Variants in GABRA5 observed in about 807,000 individuals in gnomAD.
The protein encoded by GABRA5 is gamma-aminobutyric acid receptor subunit alpha-5.
GABRA5 carries 18 observed loss-of-function variants against 47.3 expected under a neutral mutation model. That is an observed-to-expected ratio of 0.38 (90% CI 0.26 to 0.56). The LOEUF (loss-of-function observed/expected upper bound fraction) is 0.56, where lower values mean the gene tolerates loss of function less well. Ranked by LOEUF, GABRA5 falls within the 20% of genes least tolerant of loss-of-function variation. The probability of loss-of-function intolerance (pLI) is 0.71; values close to 1 mark genes in which losing one functional copy is unlikely to be tolerated. For missense variants in GABRA5, 365 were observed against 599.3 expected, an observed-to-expected ratio of 0.61 and a Z score of 4.08; for synonymous variants, 237 against 229.3, an observed-to-expected ratio of 1.03 and a Z score of -0.30.
chr15:26,923,957 T>C lies in GABRA5; in HGVS notation c.580+9072T>C, dbSNP rs369024304. Among the ~76,000 whole-genome samples the C allele has an allele frequency of 6.6e-5, 10 of 152,240 alleles. No individual in the cohort carries two copies. The East Asian group carries it at 1.2e-3, about 18-fold the overall frequency. On this transcript the variant is annotated intron_variant, in intron 7 of 10. Coordinates refer to ENST00000335625, the MANE Select transcript of GABRA5 (RefSeq NM_000810.4). Reference sequence around the variant, plus strand: ...TGTTCTGTGTTGAGACTTTCAGTTTTTTAAAAGTTTGTTACCAGCATGTTT... The same window carrying C: ...TGTTCTGTGTTGAGACTTTCAGTTTCTTAAAAGTTTGTTACCAGCATGTTT...
At chr15:26,900,152 A>T (rs976990018) in intron 6 of GABRA5, among the ~76,000 whole-genome samples, 29 of 152,132 alleles carry the variant, frequency 1.9e-4, no homozygotes, top group Non-Finnish European at 2.9e-4. Context: ...GTCATATATA[A>T]AAAACTTTGC....
chr15:26,901,758 T>C (rs1265012882), intron 6 of GABRA5, among the ~76,000 whole-genome samples: 3 of 152,170 alleles, frequency 2.0e-5, no homozygotes, highest in Non-Finnish European at 4.4e-5. Flanking sequence ...GATTTTCTCT[T>C]ATGTTATAGG....
chr15:26,924,555 G>A (rs1175460286), intron 7 of GABRA5, among the ~76,000 whole-genome samples: 1 of 152,134 alleles, frequency 6.6e-6, no homozygotes, highest in Non-Finnish European at 1.5e-5. Flanking sequence ...ATTAGGGGAC[G>A]GGCCTCATTG....
chr15:26,870,939 C>T (rs1056589722), intron 3 of GABRA5, among the ~76,000 whole-genome samples: 2 of 152,296 alleles, frequency 1.3e-5, no homozygotes, highest in Admixed American at 1.3e-4. Context: ...TGCTTGTAAT[C>T]CCAGCACTTT....
intron 6 of GABRA5, among the ~76,000 whole-genome samples, chr15:26,884,725 A>T (rs1418377433): frequency 6.6e-6 from 1 of 152,216 alleles, no homozygotes; most frequent in Non-Finnish European, 1.5e-5. Context: ...AAGCTTTTAA[A>T]GAACTAAATT....
chr15:26,883,104 G>T lies in GABRA5; in HGVS notation c.209-62G>T. On this transcript the variant is annotated intron_variant, in intron 4 of 10. Coordinates refer to ENST00000335625, the MANE Select transcript of GABRA5 (RefSeq NM_000810.4). The surrounding 1 kb of genome is among the most constrained non-coding windows in gnomAD (Gnocchi z 4.8). ...ACCCTGGTTACTGGACTGAGAGCAC[G>T]AGAGTGTGCCAGACGCGCAGGGTGG... The T allele has an allele frequency of 7.4e-7, 1 of 1,358,364 alleles. No homozygotes were observed. The highest frequency in any genetic ancestry group is 1.1e-6 in the Non-Finnish European group (1 of 946,708). 84.1% of individuals were successfully genotyped at this position (1,358,364 alleles called of 1,614,324 possible).
intron 10 of GABRA5, among the ~76,000 whole-genome samples, chr15:26,947,577 G>A (rs928040419): frequency 6.6e-6 from 1 of 152,146 alleles, no homozygotes; most frequent in Non-Finnish European, 1.5e-5. Flanking sequence ...ATTCCATGGT[G>A]TATATGTACC....
rs185985811 is a variant in GABRA5 at position 26,894,328 on chromosome 15, G to T, written c.497+10771G>T. 9.3e-4 allele frequency among the ~76,000 whole-genome samples: 141 copies of T among 152,272 alleles called. 1 individual carries two copies. Among genetic ancestry groups the T allele is most frequent in the Non-Finnish European group, 1.3e-4 (9 of 68,012 alleles). ...CAGAGAGGCCGGTGTGCGTCCAGGGGCCACCCCTTCACAGGCCGCGCCTGC... is the reference window on the plus strand; with the variant it reads ...CAGAGAGGCCGGTGTGCGTCCAGGGTCCACCCCTTCACAGGCCGCGCCTGC... On this transcript the variant is annotated intron_variant, in intron 6 of 10. Coordinates refer to ENST00000335625, the MANE Select transcript of GABRA5 (RefSeq NM_000810.4).
At position 26,883,635 on chromosome 15, in the gene GABRA5, G is replaced by A. The variant is rs1892799114; in HGVS notation, c.497+78G>A. 4.4e-6 allele frequency: 5 copies of A among 1,146,794 alleles called. No individual in the cohort carries two copies. Among genetic ancestry groups the A allele is most frequent in the Non-Finnish European group, 1.2e-6 (1 of 833,652 alleles). The allele number at this position is 1,146,794 out of a possible 1,614,324, so 71.0% of individuals were successfully genotyped here. Reference sequence around the variant, plus strand: ...GGCTGCCCATCCTGCCGCAAGAGCTGCGCCGCGGAGCTGTTCTGACCATAG... The same window carrying A: ...GGCTGCCCATCCTGCCGCAAGAGCTACGCCGCGGAGCTGTTCTGACCATAG... On this transcript the variant is annotated intron_variant, in intron 6 of 10. Coordinates refer to ENST00000335625, the MANE Select transcript of GABRA5 (RefSeq NM_000810.4). The surrounding 1 kb of genome is among the most constrained non-coding windows in gnomAD (Gnocchi z 4.8).
intron 3 of GABRA5, among the ~76,000 whole-genome samples, chr15:26,871,547 G>T (rs1892472290): frequency 2.0e-5 from 3 of 152,110 alleles, no homozygotes; most frequent in South Asian, 4.1e-4. Flanking sequence ...CCGACTAATT[G>T]CAGCAAATAT....
intron 6 of GABRA5, among the ~76,000 whole-genome samples, chr15:26,907,434 G>A (rs550697890): frequency 1.3e-5 from 2 of 152,128 alleles, no homozygotes; most frequent in South Asian, 2.1e-4. Context: ...TTCCTGCCCC[G>A]CAGCAGGACT....
At chr15:26,906,506 C>T (rs551466053) in intron 6 of GABRA5, among the ~76,000 whole-genome samples, 34 of 152,158 alleles carry the variant, frequency 2.2e-4, no homozygotes, top group Non-Finnish European at 4.4e-4. Context: ...TGGGCATGCA[C>T]GTGACCTCTT....
At chr15:26,939,653 C>T (rs1595436031) in intron 8 of GABRA5, 1 of 598,062 alleles carries the variant, frequency 1.7e-6, no homozygotes, top group Non-Finnish European at 3.0e-6. Flanking sequence ...CAGATTGTGA[C>T]TGGAGATTAG....
chr15:26,934,861 G>A (rs1243692648), intron 7 of GABRA5, among the ~76,000 whole-genome samples: 1 of 152,234 alleles, frequency 6.6e-6, no homozygotes, highest in Admixed American at 6.5e-5. Flanking sequence ...AGGACAGGCA[G>A]GGTCAACTCA....
chr15:26,915,883 G>GT (rs1595420741), intron 7 of GABRA5, among the ~76,000 whole-genome samples: 1 of 152,162 alleles, frequency 6.6e-6, no homozygotes, highest in Admixed American at 6.5e-5. Flanking sequence ...GATGAGGGCT[G>GT]TTATAATATG....
intron 6 of GABRA5, among the ~76,000 whole-genome samples, chr15:26,906,843 T>G (rs1454895296): frequency 6.6e-6 from 1 of 152,192 alleles, no homozygotes; most frequent in Non-Finnish European, 1.5e-5. Flanking sequence ...CTGAGAAACA[T>G]GAGCATTAGA....
At chr15:26,927,270 A>ATTTTTTTTTTTT (rs11400477) in intron 7 of GABRA5, among the ~76,000 whole-genome samples, 1 of 142,222 alleles carries the variant, frequency 7.0e-6, no homozygotes. Flanking sequence ...TGTCCAGCTA[A>ATTTTTTTTTTTT]TTTTTTTTTT....
chr15:26,874,110 T>C (rs1428201316), intron 3 of GABRA5, among the ~76,000 whole-genome samples: 1 of 152,160 alleles, frequency 6.6e-6, no homozygotes, highest in Non-Finnish European at 1.5e-5. Context: ...AGAAGGAGCA[T>C]GTGGGCTTTC....
chr15:26,931,813 A>G (rs1281804343), intron 7 of GABRA5, among the ~76,000 whole-genome samples: 1 of 152,208 alleles, frequency 6.6e-6, no homozygotes, highest in East Asian at 1.9e-4. Context: ...TTGTCAAGAT[A>G]TTGAAACAAA....
Sources: allele counts gnomAD v4.1 joint callset (sites outside exome capture counted in the v4.1 genomes callset), GRCh38; gene constraint gnomAD v4.1.1; non-coding constraint Gnocchi (gnomAD v3.1); transcripts MANE v1.5; gene names NCBI Gene and HGNC (gene_info 2026-07-23, HGNC 2026-07-21).